The following CAMK1G variants were observed in gnomAD, a reference collection of about 807,000 sequenced individuals.
CAMK1G encodes calcium/calmodulin-dependent protein kinase type 1G.
Under a neutral mutation model 54.8 loss-of-function variants are expected in CAMK1G, and 27 were observed. That is an observed-to-expected ratio of 0.49 (90% CI 0.36 to 0.68). CAMK1G has a LOEUF of 0.68. CAMK1G is among the 30% of genes least tolerant of loss of function. The pLI is 0.00. For missense variants in CAMK1G, 512 were observed against 591.0 expected (o/e 0.87, Z 1.39); for synonymous variants, 238 against 224.9 (o/e 1.06, Z -0.52).
intron 1 of CAMK1G, among the ~76,000 whole-genome samples, chr1:209,586,312 A>G (rs182782882): frequency 2.6e-5 from 4 of 152,270 alleles, no homozygotes; most frequent in African/African-American, 9.6e-5. Flanking sequence ...GGAGACCTGC[A>G]TATCACCTGT....
At chr1:209,591,339 A>T (rs543102137) in intron 1 of CAMK1G, among the ~76,000 whole-genome samples, 1 of 152,356 alleles carries the variant, frequency 6.6e-6, no homozygotes, top group South Asian at 2.1e-4. Context: ...TCAATCATGA[A>T]GGAGTTTCTC....
rs75269950 is a variant in CAMK1G, at chr1:209,607,437, G to T, written c.560-421G>T. ...GGTGACTCAGTCTCTGCCTCCCAGA[G>T]GCTCCCAGTCTAGTGGAGGAGAGAC... On this transcript the variant is annotated intron_variant, in intron 6 of 12. Transcript: ENST00000361322. Among the ~76,000 whole-genome samples the T allele has an allele frequency of 4.4e-3, 673 of 152,286 alleles. 36 individuals carry two copies. The East Asian group carries it at 0.1, about 23-fold the overall frequency.
intron 1 of CAMK1G, among the ~76,000 whole-genome samples, chr1:209,589,251 C>T (rs1472965870): frequency 6.6e-6 from 1 of 152,182 alleles, no homozygotes; most frequent in African/African-American, 2.4e-5. Flanking sequence ...CAGGAAGAGC[C>T]TTGTCTAGTG....
Position 209,607,880 on chromosome 1 carries a change from A to C in CAMK1G, c.582A>C (p.Lys194Asn). The C allele has an allele frequency of 3.7e-6, 6 of 1,613,146 alleles. No individual in the cohort carries two copies. Among genetic ancestry groups the C allele is most frequent in the Non-Finnish European group, 5.1e-6 (6 of 1,179,656 alleles). ...GYVAPEVLAQKPYSKAVDCWS... is the reference protein window; with the variant it reads ...GYVAPEVLAQNPYSKAVDCWS... ...CAGCTCCAGAAGTGCTGGCCCAGAA[A>C]CCCTACAGCAAGGCTGTGGATTGCT... is the stretch of plus-strand genomic sequence containing the variant. The change falls in exon 7 of 13, where the codon AAA (lysine) becomes AAC (asparagine). Residue 194 changes from lysine (K) to asparagine (N), a missense_variant. By Grantham distance (94) the Lys-to-Asn change is moderately conservative. This residue lies in a region of CAMK1G where 186 missense variants were observed against 231.5 expected (regional missense o/e 0.80). Transcript: ENST00000361322.
intron 2 of CAMK1G, among the ~76,000 whole-genome samples, chr1:209,595,466 T>C (rs1449577819): frequency 1.3e-5 from 2 of 152,034 alleles, no homozygotes; most frequent in Non-Finnish European, 2.9e-5. Context: ...ACCAGTCCCT[T>C]TCCCCCAGGG....
chr1:209,592,990 GA>G lies in CAMK1G; in HGVS notation c.-29-1956del, dbSNP rs201696930. On this transcript the variant is annotated intron_variant, in intron 1 of 12. Transcript: ENST00000361322. Reference sequence around the variant, plus strand: ...AACTGTTTAAGATTGTAGCAGAACAGAAAAAAAAATAAAAATAAAAAAGAAA... The same window carrying G: ...AACTGTTTAAGATTGTAGCAGAACAGAAAAAAAATAAAAATAAAAAAGAAA... Among the ~76,000 whole-genome samples, 48 of 149,634 alleles carry G rather than the reference GA, an allele frequency of 3.2e-4. No homozygotes were observed. The South Asian group carries it at 4.7e-3, about 15-fold the overall frequency.
At chr1:209,593,513 C>T (rs900365947) in intron 1 of CAMK1G, among the ~76,000 whole-genome samples, 1 of 152,090 alleles carries the variant, frequency 6.6e-6, no homozygotes, top group Non-Finnish European at 1.5e-5. Flanking sequence ...GAGATTCCCT[C>T]CAACCATTTA....
intron 2 of CAMK1G, among the ~76,000 whole-genome samples, chr1:209,599,386 C>T (rs955789511): frequency 3.3e-5 from 5 of 152,140 alleles, no homozygotes; most frequent in Admixed American, 6.5e-5. Flanking sequence ...CCAAATGCCC[C>T]CTGCCCAGAT....
chr1:209,595,938 C>A (rs1665371070), intron 2 of CAMK1G, among the ~76,000 whole-genome samples: 1 of 152,254 alleles, frequency 6.6e-6, no homozygotes, highest in African/African-American at 2.4e-5. Context: ...AGGCTGGCAG[C>A]AGCTCCAGGC....
Position 209,609,801 on chromosome 1 carries a change from A to G in CAMK1G, c.749-50A>G, listed in dbSNP as rs540439163. The G allele has an allele frequency of 1.8e-5, 28 of 1,573,332 alleles. No individual in the cohort carries two copies. The South Asian group carries it at 2.4e-4, about 14-fold the overall frequency. On this transcript the variant is annotated intron_variant, in intron 8 of 12. Coordinates refer to ENST00000361322, the MANE Select transcript of CAMK1G (RefSeq NM_020439.3). Reference sequence around the variant, plus strand: ...ACCAGCCCGGAAGTGAATTTCCATCAGTCATGAAATCTGGTCCTTAGTCGT... The same window carrying G: ...ACCAGCCCGGAAGTGAATTTCCATCGGTCATGAAATCTGGTCCTTAGTCGT...
At chr1:209,598,337 T>TCAC (rs777021742) in intron 2 of CAMK1G, among the ~76,000 whole-genome samples, 20 of 152,216 alleles carry the variant, frequency 1.3e-4, no homozygotes, top group South Asian at 6.2e-4. Flanking sequence ...TACAGAGTGA[T>TCAC]CACCACCACC....
chr1:209,594,620 A>G (rs1029614491), intron 1 of CAMK1G, among the ~76,000 whole-genome samples: 4 of 152,202 alleles, frequency 2.6e-5, no homozygotes, highest in Admixed American at 2.0e-4. Flanking sequence ...CATTGTGACT[A>G]TCATTTGGAA....
intron 1 of CAMK1G, among the ~76,000 whole-genome samples, chr1:209,588,994 G>T (rs188777431): frequency 1.3e-5 from 2 of 152,232 alleles, no homozygotes; most frequent in East Asian, 3.9e-4. Context: ...CCCCCAAGAG[G>T]CCAGGAAGTT....
At chr1:209,584,578 T>C (rs1411048464) in intron 1 of CAMK1G, among the ~76,000 whole-genome samples, 1 of 152,138 alleles carries the variant, frequency 6.6e-6, no homozygotes, top group Non-Finnish European at 1.5e-5. Flanking sequence ...TGGCCCCTTC[T>C]CTCCACGTAA....
In CAMK1G at chr1:209,613,124, G is replaced by A. The variant is rs746129352; in HGVS notation, c.*122G>A. 3.0e-4 allele frequency: 121 copies of A among 401,628 alleles called. No individual in the cohort carries two copies. Among genetic ancestry groups the A allele is most frequent in the Non-Finnish European group, 4.6e-5 (10 of 215,214 alleles). 24.9% of individuals were successfully genotyped at this position (401,628 alleles called of 1,614,324 possible). ...GGCAGAGCAAGTGGAGCAGGGCTTA[G>A]CAGGAGCAGTTTCTGGCCAGAAGCA... On this transcript the variant is annotated 3_prime_UTR_variant, in exon 13 of 13. Coordinates refer to ENST00000361322, the MANE Select transcript of CAMK1G (RefSeq NM_020439.3).
intron 3 of CAMK1G, among the ~76,000 whole-genome samples, 166 bp downstream of exon 3, chr1:209,600,277 T>C (rs972803285): frequency 1.4e-5 from 2 of 143,572 alleles, no homozygotes; most frequent in African/African-American, 5.2e-5. Flanking sequence ...GTCGGACAGC[T>C]GTCCTAGCTG....
At position 209,611,848 on chromosome 1, in the gene CAMK1G, G is replaced by A; in HGVS notation, c.972G>A (p.Leu324=). ...VHHMRKLHMN[L]HSPGVRPEVE... is the part of the protein sequence containing the mutation. Reference sequence around the variant, plus strand: ...ACATGAGGAAGCTACACATGAACCTGCACAGCCCGGGCGTCCGCCCAGAGG... The same window carrying A: ...ACATGAGGAAGCTACACATGAACCTACACAGCCCGGGCGTCCGCCCAGAGG... The change falls in exon 11 of 13, where the codon CTG becomes CTA. Residue 324 remains leucine, a synonymous_variant. Transcript: ENST00000361322. 1 of 1,614,208 alleles carries A rather than the reference G, an allele frequency of 6.2e-7. No individual in the cohort carries two copies. Among genetic ancestry groups the A allele is most frequent in the Non-Finnish European group, 8.5e-7 (1 of 1,180,056 alleles).
chr1:209,597,005 G>A (rs951201503), intron 2 of CAMK1G, among the ~76,000 whole-genome samples: 5 of 152,114 alleles, frequency 3.3e-5, no homozygotes, highest in Admixed American at 2.6e-4. Flanking sequence ...GGGAGCAGGA[G>A]GACAAGACAG....
intron 6 of CAMK1G, among the ~76,000 whole-genome samples, chr1:209,607,106 T>C (rs1558140790): frequency 6.6e-6 from 1 of 152,142 alleles, no homozygotes; most frequent in Non-Finnish European, 1.5e-5. Flanking sequence ...AGTCGTCACC[T>C]GTTTGCAGTT....
Sources: allele counts gnomAD v4.1 joint callset (sites outside exome capture counted in the v4.1 genomes callset), GRCh38; gene constraint gnomAD v4.1.1; regional missense constraint gnomAD v4.1.1; transcripts MANE v1.5; gene names NCBI Gene and HGNC (gene_info 2026-07-23, HGNC 2026-07-21).